Variants in RCN1 observed in about 807,000 individuals in gnomAD.
RCN1 encodes reticulocalbin-1.
In RCN1, 14 loss-of-function variants were observed where a neutral mutation model predicts 34.7. The observed-to-expected ratio is 0.40, with a 90% CI of 0.27 to 0.63. The LOEUF (loss-of-function observed/expected upper bound fraction) is 0.63. Ranked by LOEUF, RCN1 falls within the 30% of genes least tolerant of loss-of-function variation. RCN1 has a pLI of 0.37. For missense variants in RCN1, 326 were observed against 425.1 expected (o/e 0.77, Z 2.05); for synonymous variants, 125 against 165.5 (o/e 0.76, Z 1.88).
chr11:32,093,203 TAGTGAGAAAA>T (rs1368033078), intron 1 of RCN1, among the ~76,000 whole-genome samples: 2 of 152,202 alleles, frequency 1.3e-5, no homozygotes, highest in Non-Finnish European at 2.9e-5. Context: ...TTCAGCCTAG[TAGTGAGAAAA>T]AGTGACGGTG....
At chr11:32,099,367 T>C (rs1852010065) in intron 3 of RCN1, among the ~76,000 whole-genome samples, 2 of 151,520 alleles carry the variant, frequency 1.3e-5, no homozygotes, top group South Asian at 4.2e-4. Context: ...AGCAACTAGC[T>C]AGTCTCTGCC....
Position 32,091,227 on chromosome 11 carries a change from G to A in RCN1, c.31G>A (p.Gly11Arg). 1 of 1,477,588 alleles carries A rather than the reference G, an allele frequency of 6.8e-7. No homozygotes were observed. The highest frequency in any genetic ancestry group is 8.9e-7 in the Non-Finnish European group (1 of 1,120,198). 91.5% of individuals were successfully genotyped at this position (1,477,588 alleles called of 1,614,324 possible). A position where few individuals can be genotyped will look rare whatever the true frequency, so the allele number is the denominator to read the frequency against. ...GCGCGGTGGCCGCGGCCGCCGCCTG[G>A]GGTTAGCCCTGGGGCTGCTGCTGGC... MARGGRGRRLGLALGLLLALV... is the reference protein window; with the variant it reads MARGGRGRRLRLALGLLLALV... The change falls in exon 1 of 6, where the codon GGG (glycine) becomes AGG (arginine). Residue 11 changes from glycine to arginine, a missense_variant. Coordinates refer to ENST00000054950, the MANE Select transcript of RCN1 (RefSeq NM_002901.4).
At chr11:32,098,628 A>T in intron 3 of RCN1, 100 bp downstream of exon 3, 1 of 988,674 alleles carries the variant, frequency 1.0e-6, no homozygotes, top group Middle Eastern at 2.2e-4. Flanking sequence ...GCCTGAAGGG[A>T]ATTGGAGAAG....
At position 32,098,913 on chromosome 11, in the gene RCN1, A is replaced by G. The variant is rs537206619; in HGVS notation, c.627+385A>G. On this transcript the variant is annotated intron_variant, in intron 3 of 5. Coordinates refer to ENST00000054950, the MANE Select transcript of RCN1 (RefSeq NM_002901.4). ...GAAAAGAGAGGGAATGAGAAGATAC[A>G]GTCTTTGTTTACTCTTCCGGCCAGG... Among the ~76,000 whole-genome samples the G allele has an allele frequency of 6.0e-4, 92 of 152,288 alleles. 1 individual carries two copies. The South Asian group carries it at 0.012, about 20-fold the overall frequency.
chr11:32,103,772 C>T (rs150934348), intron 5 of RCN1, among the ~76,000 whole-genome samples: 1 of 152,080 alleles, frequency 6.6e-6, no homozygotes, highest in Non-Finnish European at 1.5e-5. Context: ...AGAAGTATAC[C>T]CCGTGTTGCC....
chr11:32,102,929 A>G (rs1197502274), intron 4 of RCN1: 1 of 449,728 alleles, frequency 2.2e-6, no homozygotes, highest in Admixed American at 2.7e-5. Flanking sequence ...TGGGTTGTAG[A>G]GGGCTTTTAC....
Position 32,098,444 on chromosome 11 carries a change from T to A in RCN1, c.543T>A (p.Asn181Lys), listed in dbSNP as rs201437677. ...DERRFKAADL[N>K]GDLTATREEF... ...GAAGATTCAAAGCTGCAGACCTCAATGGTGACCTGACAGCTACTCGGGAGG... is the reference window on the plus strand; with the variant it reads ...GAAGATTCAAAGCTGCAGACCTCAAAGGTGACCTGACAGCTACTCGGGAGG... The change falls in exon 3 of 6, where the codon AAT (asparagine) becomes AAA (lysine). Residue 181 changes from asparagine (N) to lysine (K), a missense_variant. Asn to Lys is a moderately conservative substitution (Grantham distance 94). Coordinates refer to ENST00000054950, the MANE Select transcript of RCN1 (RefSeq NM_002901.4). The A allele has an allele frequency of 6.2e-7, 1 of 1,614,158 alleles. No individual in the cohort carries two copies. Among genetic ancestry groups the A allele is most frequent in the African/African-American group, 1.3e-5 (1 of 75,064 alleles).
chr11:32,091,554 G>A, intron 1 of RCN1, 104 bp downstream of exon 1: 1 of 1,437,926 alleles, frequency 7.0e-7, no homozygotes, highest in South Asian at 1.3e-5. Flanking sequence ...GCGAAATCGC[G>A]CGCGCGGCCT....
chr11:32,092,068 G>T (rs573586454), intron 1 of RCN1, among the ~76,000 whole-genome samples: 2,055 of 152,206 alleles, frequency 0.014, 27 homozygotes, highest in Non-Finnish European at 0.02. Context: ...GGCCGAGGCG[G>T]GGGGAGGGGT....
chr11:32,100,298 C>G (rs1852020763), intron 3 of RCN1, among the ~76,000 whole-genome samples: 1 of 150,968 alleles, frequency 6.6e-6, no homozygotes, highest in South Asian at 2.1e-4. Flanking sequence ...CAGAGCACCT[C>G]TGGGGTTACA....
At chr11:32,095,387 C>T (rs1851961663) in intron 1 of RCN1, among the ~76,000 whole-genome samples, 1 of 152,050 alleles carries the variant, frequency 6.6e-6, no homozygotes, top group Admixed American at 6.5e-5. Context: ...GCTGGAGCTA[C>T]AGGCATGCAT....
At chr11:32,102,686 G>A (rs1852059434) in intron 4 of RCN1, 1 of 244,314 alleles carries the variant, frequency 4.1e-6, no homozygotes, top group African/African-American at 2.4e-5. Flanking sequence ...TGGGTTGAAA[G>A]CAGAGTGACC....
intron 4 of RCN1, 59 bp from the exon 5 acceptor site, chr11:32,103,222 G>C: frequency 6.7e-7 from 1 of 1,482,818 alleles, no homozygotes; most frequent in Non-Finnish European, 9.4e-7. Context: ...GTTTTATGGG[G>C]GTGGGGGAGG....
At position 32,098,395 on chromosome 11, in the gene RCN1, A is replaced by G; in HGVS notation, c.494A>G (p.Lys165Arg). 1.2e-6 allele frequency: 2 copies of G among 1,613,968 alleles called. No homozygotes were observed. The highest frequency in any genetic ancestry group is 1.7e-6 in the Non-Finnish European group (2 of 1,179,972). ...GATTCTTCAGATCATCACACCTTTA[A>G]AAAGATGCTGCCACGTGATGAGAGA... is the stretch of plus-strand genomic sequence containing the variant. The part of the protein sequence containing the change: ...FHDSSDHHTF[K>R]KMLPRDERRF... The change falls in exon 3 of 6, where the codon AAA becomes AGA. Residue 165 changes from lysine to arginine, a missense_variant. Coordinates refer to ENST00000054950, the MANE Select transcript of RCN1 (RefSeq NM_002901.4).
chr11:32,102,872 T>C (rs1852062667), intron 4 of RCN1: 1 of 392,832 alleles, frequency 2.5e-6, no homozygotes, highest in Admixed American at 3.4e-5. Flanking sequence ...GACCATAGTG[T>C]TCAATGTTAG....
rs1157369649 is a variant in RCN1 at position 32,093,579 on chromosome 11, C to T, written c.254+2129C>T. 1.2e-4 allele frequency among the ~76,000 whole-genome samples: 18 copies of T among 152,030 alleles called. 1 individual carries two copies. The highest frequency in any genetic ancestry group is 1.2e-3 in the Admixed American group (18 of 15,250). On this transcript the variant is annotated intron_variant, in intron 1 of 5. Coordinates refer to ENST00000054950, the MANE Select transcript of RCN1 (RefSeq NM_002901.4). ...TTGCCAGGTGTACAGCAGGGGAAGG[C>T]CTTCCTGAAGAGAAAACAGCCCATT...
In RCN1 at chr11:32,103,222, G is replaced by A. The variant is rs1357230533; in HGVS notation, c.689-59G>A. 4 of 1,482,700 alleles carry A rather than the reference G, an allele frequency of 2.7e-6. No individual in the cohort carries two copies. The East Asian group carries it at 6.8e-5, about 25-fold the overall frequency. 91.8% of individuals were successfully genotyped at this position (1,482,700 alleles called of 1,614,324 possible). A position where few individuals can be genotyped will look rare whatever the true frequency, so the allele number is the denominator to read the frequency against. ...CAGGAGGTCAAGTTTGTTTTATGGG[G>A]GTGGGGGAGGTTTACCTTCCCACTT... On this transcript the variant is annotated intron_variant, in intron 4 of 5. Transcript: ENST00000054950.
rs184320351 is a variant in RCN1, at chr11:32,092,807, T to A, written c.254+1357T>A. Among the ~76,000 whole-genome samples the A allele has an allele frequency of 4.6e-5, 7 of 152,266 alleles. No individual in the cohort carries two copies. In the South Asian group the frequency reaches 8.3e-4, roughly 18 times the overall value. On this transcript the variant is annotated intron_variant, in intron 1 of 5. Coordinates refer to ENST00000054950, the MANE Select transcript of RCN1 (RefSeq NM_002901.4). ...TGGAGGATCTTCATGTTCTGCCACATGAAAGAGAACACAGCCATCCCTGTG... is the reference window on the plus strand; with the variant it reads ...TGGAGGATCTTCATGTTCTGCCACAAGAAAGAGAACACAGCCATCCCTGTG...
rs780722287 is a variant in RCN1 at position 32,097,198 on chromosome 11, G to C, written c.309G>C (p.Glu103Asp). ...GGGATGGCTTTGTCACTACTGAGGA[G>C]CTGAAAACCTGGATCAAACGGGTGC... ...NDGDGFVTTE[E>D]LKTWIKRVQK... Residue 103 changes from glutamate (E) to aspartate (D), a missense_variant, in exon 2 of 6, where the codon GAG becomes GAC. Physicochemically the swap from Glu to Asp is conservative, Grantham distance 45. Transcript: ENST00000054950. 1 of 1,601,640 alleles carries C rather than the reference G, an allele frequency of 6.2e-7. No homozygotes were observed. The highest frequency in any genetic ancestry group is 1.1e-5 in the South Asian group (1 of 88,110).
Sources: gnomAD v4.1 joint callset for allele counts (sites outside exome capture counted in the v4.1 genomes callset) on GRCh38, gnomAD v4.1.1 for gene constraint, MANE v1.5 for transcripts, NCBI Gene and HGNC (gene_info 2026-07-23, HGNC 2026-07-21) for gene names.